Variants in BIRC6 observed in about 807,000 individuals in gnomAD.
BIRC6 encodes the protein baculoviral IAP repeat containing 6, also known as dual E2 ubiquitin-conjugating enzyme/E3 ubiquitin-protein ligase BIRC6.
BIRC6 carries 98 observed loss-of-function variants against 503.3 expected under a neutral mutation model. The observed-to-expected ratio is 0.19, with a 90% CI of 0.17 to 0.23. The LOEUF (loss-of-function observed/expected upper bound fraction) is 0.23, where lower values mean the gene tolerates loss of function less well. Ranked by LOEUF, BIRC6 falls within the 10% of genes least tolerant of loss-of-function variation. The pLI, the probability that BIRC6 is intolerant of heterozygous loss-of-function variation, is 1.00. For missense variants in BIRC6, 5,360 were observed against 5,806.0 expected (o/e 0.92, Z 2.50); for synonymous variants, 2,240 against 2,078.7 (o/e 1.08, Z -2.11).
At position 32,481,459 on chromosome 2, in the gene BIRC6, A is replaced by G. The variant is rs376237596; in HGVS notation, c.7542+6A>G. 21 of 1,601,988 alleles carry G rather than the reference A, an allele frequency of 1.3e-5. No individual in the cohort carries two copies. Among genetic ancestry groups the G allele is most frequent in the East Asian group, 2.2e-5 (1 of 44,450 alleles). ...TTGCAGCCAAGGTTTTTAAGGTATG[A>G]TACATGAGAATAGTCTTTGAAAGGA... On this transcript the variant is annotated splice_donor_region_variant and intron_variant, in intron 38 of 73. Transcript: ENST00000421745.
chr2:32,390,296 G>A lies in BIRC6; in HGVS notation c.839+1353G>A, dbSNP rs554776611. ...TGCCATTCTCCTGCCTCAGCCTCCC[G>A]AGTAGCTGTGACTACAGGTGCCCGC... On this transcript the variant is annotated intron_variant, in intron 4 of 73. Transcript: ENST00000421745. Among the ~76,000 whole-genome samples the A allele has an allele frequency of 7.9e-5, 12 of 152,170 alleles. No homozygotes were observed. The East Asian group carries it at 2.1e-3, about 27-fold the overall frequency.
In BIRC6 at chr2:32,453,893, T is replaced by G. The variant is rs1244181265; in HGVS notation, c.4704T>G (p.Phe1568Leu). 6.2e-7 allele frequency: 1 copy of G among 1,613,446 alleles called. No homozygotes were observed. Among genetic ancestry groups the G allele is most frequent in the Non-Finnish European group, 8.5e-7 (1 of 1,179,508 alleles). ...TGLLEVEPLH[F>L]TCVSTSDGTR... ...TTTTGGAAGTTGAACCTCTGCACTTTACTTGTGTGTCAACTAGTGATGGAA... is the reference window on the plus strand; with the variant it reads ...TTTTGGAAGTTGAACCTCTGCACTTGACTTGTGTGTCAACTAGTGATGGAA... Residue 1568 changes from phenylalanine to leucine, a missense_variant, in exon 23 of 74, where the codon TTT (phenylalanine) becomes TTG (leucine). Phe to Leu is a conservative substitution (Grantham distance 22, BLOSUM62 0). Transcript: ENST00000421745.
chr2:32,598,955 G>A (rs1187945924), intron 69 of BIRC6, among the ~76,000 whole-genome samples: 1 of 148,778 alleles, frequency 6.7e-6, no homozygotes, highest in African/African-American at 2.5e-5. Flanking sequence ...CTGGAAGGTG[G>A]AGGTTGCAGT....
At chr2:32,609,163 C>T (rs376256441) in intron 72 of BIRC6, among the ~76,000 whole-genome samples, 2 of 152,086 alleles carry the variant, frequency 1.3e-5, no homozygotes. Context: ...GAATTACAGG[C>T]GTGAGCCACT....
chr2:32,404,758 C>G (rs1357527233), intron 8 of BIRC6, among the ~76,000 whole-genome samples: 2 of 152,022 alleles, frequency 1.3e-5, no homozygotes, highest in East Asian at 1.9e-4. Context: ...ACCTCCTGGG[C>G]TCAAGTCATC....
intron 65 of BIRC6, among the ~76,000 whole-genome samples, chr2:32,573,902 T>C (rs1369674323): frequency 6.6e-6 from 1 of 152,192 alleles, no homozygotes; most frequent in African/African-American, 2.4e-5. Flanking sequence ...AGCCATAATA[T>C]ATTATCTGGT....
chr2:32,443,397 C>T (rs2045623725), intron 19 of BIRC6, 94 bp from the exon 20 acceptor site: 8 of 797,992 alleles, frequency 1.0e-5, no homozygotes, highest in Non-Finnish European at 1.6e-5. Flanking sequence ...GTATAGAATA[C>T]ATTTTAAAGA....
At chr2:32,514,778 A>G (rs1327220773) in intron 54 of BIRC6, among the ~76,000 whole-genome samples, 2 of 152,144 alleles carry the variant, frequency 1.3e-5, no homozygotes, top group African/African-American at 2.4e-5. Context: ...GTCTAACTCA[A>G]CTTGCATTGT....
chr2:32,569,821 A>G (rs570346509), intron 65 of BIRC6, among the ~76,000 whole-genome samples: 1 of 152,292 alleles, frequency 6.6e-6, no homozygotes, highest in African/African-American at 2.4e-5. Flanking sequence ...ATCAAATCCA[A>G]GAGTTTCTCA....
At position 32,493,598 on chromosome 2, in the gene BIRC6, T is replaced by C. The variant is rs1459819991; in HGVS notation, c.8399T>C (p.Leu2800Pro). The C allele has an allele frequency of 6.2e-7, 1 of 1,609,396 alleles. No individual in the cohort carries two copies. Among genetic ancestry groups the C allele is most frequent in the Non-Finnish European group, 8.5e-7 (1 of 1,176,700 alleles). Reference protein sequence around the residue: ...QEFLTRLQVHLSSTCPQIFSE... With the variant: ...QEFLTRLQVHPSSTCPQIFSE... ...TTTCTTACTCGATTACAAGTGCATC[T>C]TTCTTCAACATGTCCTCAGATATTC... Residue 2800 changes from leucine to proline, a missense_variant, in exon 45 of 74, where the codon CTT becomes CCT. Physicochemically the swap from Leu to Pro is moderately conservative, Grantham distance 98. Coordinates refer to ENST00000421745, the MANE Select transcript of BIRC6 (RefSeq NM_016252.4).
chr2:32,597,843 G>T lies in BIRC6; in HGVS notation c.13705G>T (p.Ala4569Ser), dbSNP rs754904803. 1.9e-6 allele frequency: 3 copies of T among 1,613,670 alleles called. No individual in the cohort carries two copies. The African/African-American group carries it at 4.0e-5, about 22-fold the overall frequency. The part of the protein sequence containing the change: ...YMSQVKNAND[A>S]NSAARARRLA... ...GTCTCAGGTGAAAAATGCTAATGAT[G>T]CGAACAGTGCTGCCAGAGCTCGCCG... The change falls in exon 69 of 74, where the codon GCG becomes TCG. Residue 4569 changes from alanine to serine, a missense_variant. Ala to Ser is a moderately conservative substitution (Grantham distance 99). This residue lies in a region of BIRC6 where 477 missense variants were observed against 574.4 expected (regional missense o/e 0.83). Transcript: ENST00000421745.
intron 19 of BIRC6, among the ~76,000 whole-genome samples, chr2:32,442,995 A>G (rs1020277220): frequency 6.6e-6 from 1 of 152,196 alleles, no homozygotes; most frequent in South Asian, 2.1e-4. Flanking sequence ...CATACCTGCA[A>G]TAAAGTTTAA....
At chr2:32,599,572 A>G (rs950354018) in intron 69 of BIRC6, among the ~76,000 whole-genome samples, 167 bp from the exon 70 acceptor site, 5 of 152,150 alleles carry the variant, frequency 3.3e-5, no homozygotes, top group African/African-American at 1.2e-4. Flanking sequence ...CAGGAAGCGG[A>G]GGTTGCAGTG....
At chr2:32,550,714 A>T (rs912363697) in intron 65 of BIRC6, among the ~76,000 whole-genome samples, 13 of 152,166 alleles carry the variant, frequency 8.5e-5, no homozygotes, top group African/African-American at 3.1e-4. Context: ...TGACTCTCTT[A>T]TAACACTGAG....
At chr2:32,464,992 T>C in intron 25 of BIRC6, 73 bp from the exon 26 acceptor site, 2 of 1,318,754 alleles carry the variant, frequency 1.5e-6, no homozygotes, top group Non-Finnish European at 1.0e-6. Context: ...AATTTGCTAT[T>C]ATGGTTAGTA....
chr2:32,483,015 C>T (rs747927307), intron 39 of BIRC6, among the ~76,000 whole-genome samples: 7 of 150,884 alleles, frequency 4.6e-5, no homozygotes, highest in Non-Finnish European at 7.4e-5. Flanking sequence ...CCTCCCAGGT[C>T]GAGGGGCTTC....
At chr2:32,596,584 C>T (rs2151444145) in intron 68 of BIRC6, among the ~76,000 whole-genome samples, 1 of 152,094 alleles carries the variant, frequency 6.6e-6, no homozygotes, top group African/African-American at 2.4e-5. Flanking sequence ...TGTACAGCAT[C>T]ACTCACTAAG....
At chr2:32,383,768 G>T (rs1413426167) in intron 3 of BIRC6, among the ~76,000 whole-genome samples, 1 of 152,118 alleles carries the variant, frequency 6.6e-6, no homozygotes, top group Admixed American at 6.5e-5. Flanking sequence ...CTGACCTCAG[G>T]TGATCCAACC....
At chr2:32,602,796 G>A (rs2062154210) in intron 70 of BIRC6, 4 of 462,444 alleles carry the variant, frequency 8.6e-6, no homozygotes, top group African/African-American at 2.0e-5. Flanking sequence ...GGTCTGTTTT[G>A]CATTATGAAA....
Sources: gnomAD v4.1 joint callset for allele counts (sites outside exome capture counted in the v4.1 genomes callset) on GRCh38, gnomAD v4.1.1 for gene constraint, gnomAD v4.1.1 regional missense constraint, MANE v1.5 for transcripts, NCBI Gene and HGNC (gene_info 2026-07-23, HGNC 2026-07-21) for gene names.